Variants in RANBP17 observed in about 807,000 individuals in gnomAD.
RANBP17 encodes RAN binding protein 17.
Under a neutral mutation model 141.2 loss-of-function variants are expected in RANBP17, and 158 were observed. That is an observed-to-expected ratio of 1.12 (90% CI 0.98 to 1.28). The LOEUF (loss-of-function observed/expected upper bound fraction) is 1.28. Among genes scored for constraint, RANBP17 ranks in the 50% most tolerant of loss-of-function variants. The pLI is 0.00. For synonymous variants in RANBP17, 430 were observed against 450.0 expected (o/e 0.96, Z 0.56); for missense variants, 1,438 against 1,290.7 (o/e 1.11, Z -1.75).
chr5:170,987,262 T>C (rs1211725127), intron 14 of RANBP17, among the ~76,000 whole-genome samples: 1 of 151,774 alleles, frequency 6.6e-6, no homozygotes, highest in Non-Finnish European at 1.5e-5. Context: ...GCTTAGTGAC[T>C]TTAGGGATTT....
intron 20 of RANBP17, chr5:171,206,284 C>G (rs966997079): frequency 6.3e-6 from 1 of 158,754 alleles, no homozygotes; most frequent in African/African-American, 2.4e-5. Context: ...TTTCACCTGT[C>G]TGAGTCTTGG....
At chr5:171,008,013 G>C (rs1779774210) in intron 14 of RANBP17, among the ~76,000 whole-genome samples, 1 of 152,060 alleles carries the variant, frequency 6.6e-6, no homozygotes, top group South Asian at 2.1e-4. Context: ...AGGGAATATG[G>C]GTAAATGACC....
chr5:170,969,064 T>A (rs1319213143), intron 14 of RANBP17, among the ~76,000 whole-genome samples: 1 of 151,872 alleles, frequency 6.6e-6, no homozygotes, highest in African/African-American at 2.4e-5. Context: ...TAGGATTTTT[T>A]ATTTGAAAAT....
intron 19 of RANBP17, among the ~76,000 whole-genome samples, chr5:171,205,037 C>T (rs1347761783): frequency 4.6e-5 from 7 of 152,138 alleles, no homozygotes; most frequent in Non-Finnish European, 8.8e-5. Context: ...ACATGTAGGT[C>T]ACTTGGCCAG....
At chr5:171,101,595 A>G (rs1787169043) in intron 14 of RANBP17, among the ~76,000 whole-genome samples, 1 of 152,150 alleles carries the variant, frequency 6.6e-6, no homozygotes, top group Non-Finnish European at 1.5e-5. Context: ...ACCCATTTAC[A>G]TTTAAGGTTA....
At chr5:171,251,960 G>C (rs1459593208) in intron 24 of RANBP17, 19 of 1,609,218 alleles carry the variant, frequency 1.2e-5, no homozygotes, top group Non-Finnish European at 1.4e-5. Context: ...ACCTGCTACT[G>C]CAATTCAGTT....
chr5:171,224,273 T>A (rs183614691), intron 22 of RANBP17, among the ~76,000 whole-genome samples: 231 of 152,378 alleles, frequency 1.5e-3, no homozygotes, highest in Middle Eastern at 3.4e-3. Context: ...TAAGAATCTC[T>A]TAGTAATCAG....
intron 14 of RANBP17, among the ~76,000 whole-genome samples, chr5:170,977,063 A>C (rs972132019): frequency 6.6e-5 from 10 of 152,116 alleles, no homozygotes; most frequent in Non-Finnish European, 1.3e-4. Context: ...CAACCTACAA[A>C]AATGGGAGAA....
chr5:170,886,344 G>C (rs189441553), intron 3 of RANBP17, among the ~76,000 whole-genome samples: 1 of 152,088 alleles, frequency 6.6e-6, no homozygotes, highest in African/African-American at 2.4e-5. Flanking sequence ...CCAGAAAAAG[G>C]TTCTCTTCTA....
intron 14 of RANBP17, among the ~76,000 whole-genome samples, chr5:171,094,320 C>CT (rs1202248718): frequency 2.0e-5 from 3 of 152,090 alleles, no homozygotes; most frequent in African/African-American, 7.2e-5. Context: ...GAGCTCAACT[C>CT]TAAGAGTACA....
chr5:171,223,496 G>C (rs187152919), intron 22 of RANBP17, among the ~76,000 whole-genome samples: 6 of 152,066 alleles, frequency 3.9e-5, no homozygotes, highest in Non-Finnish European at 5.9e-5. Context: ...TTAGCCAGGC[G>C]TGGTGGCGGG....
chr5:171,193,207 G>A (rs1761763401), intron 18 of RANBP17, among the ~76,000 whole-genome samples: 1 of 152,188 alleles, frequency 6.6e-6, no homozygotes, highest in African/African-American at 2.4e-5. Flanking sequence ...AGTGTTGGAT[G>A]TGATTCTTGG....
chr5:171,120,117 C>G (rs1057246813), intron 14 of RANBP17, among the ~76,000 whole-genome samples: 1 of 151,310 alleles, frequency 6.6e-6, no homozygotes, highest in African/African-American at 2.4e-5. Flanking sequence ...TTCTGTTTAT[C>G]AGACAGAGCG....
intron 1 of RANBP17, 38 bp downstream of exon 1, chr5:170,862,089 C>A (rs2127289758): frequency 7.6e-6 from 11 of 1,438,186 alleles, no homozygotes; most frequent in South Asian, 1.4e-5. Flanking sequence ...CGCTCCGCCA[C>A]GCTGGGAACC....
intron 5 of RANBP17, among the ~76,000 whole-genome samples, chr5:170,906,998 G>C (rs746695091): frequency 6.6e-6 from 1 of 151,948 alleles, no homozygotes. Flanking sequence ...GTTTCAACTA[G>C]CATTTATTAA....
chr5:171,008,877 C>A (rs1381285188), intron 14 of RANBP17, among the ~76,000 whole-genome samples: 7 of 152,132 alleles, frequency 4.6e-5, no homozygotes, highest in African/African-American at 1.4e-4. Flanking sequence ...TTAAATGTAC[C>A]ACCTTTCTTT....
At chr5:171,089,964 C>T (rs956102724) in intron 14 of RANBP17, among the ~76,000 whole-genome samples, 6 of 152,182 alleles carry the variant, frequency 3.9e-5, no homozygotes, top group Admixed American at 6.5e-5. Context: ...TGTTCCTGTT[C>T]GGCCATCTTC....
intron 13 of RANBP17, among the ~76,000 whole-genome samples, chr5:170,959,258 T>C (rs1465814088): frequency 1.3e-5 from 2 of 152,224 alleles, no homozygotes; most frequent in East Asian, 1.9e-4. Flanking sequence ...TGCTATTATA[T>C]AAATAACTTC....
chr5:171,096,275 A>G (rs1374329814), intron 14 of RANBP17, among the ~76,000 whole-genome samples: 1 of 152,206 alleles, frequency 6.6e-6, no homozygotes, highest in African/African-American at 2.4e-5. Flanking sequence ...ATGATTTTAA[A>G]GTGTTAGTGA....
Sources: gnomAD v4.1 joint callset for allele counts (sites outside exome capture counted in the v4.1 genomes callset) on GRCh38, gnomAD v4.1.1 for gene constraint, MANE v1.5 for transcripts, NCBI Gene and HGNC (gene_info 2026-07-23, HGNC 2026-07-21) for gene names.